Variants in WWOX observed in about 807,000 individuals in gnomAD.
WWOX encodes the protein WW domain containing oxidoreductase, also known as WW domain-containing oxidoreductase.
Under a neutral mutation model 46.2 loss-of-function variants are expected in WWOX, and 69 were observed. That is an observed-to-expected ratio of 1.49 (90% CI 1.23 to 1.82). The LOEUF is 1.82. Ranked by LOEUF, WWOX falls within the 40% of genes most tolerant of loss-of-function variation. WWOX has a pLI of 0.00. For synonymous variants in WWOX, 359 were observed against 202.6 expected (o/e 1.77, Z -6.56); for missense variants, 919 against 542.6 (o/e 1.69, Z -6.89).
intron 4 of WWOX, among the ~76,000 whole-genome samples, chr16:78,157,564 G>T (rs978167703): frequency 5.9e-5 from 9 of 152,336 alleles, no homozygotes; most frequent in African/African-American, 2.2e-4. Context: ...GAAATCCTTT[G>T]TGCATTATTT....
intron 8 of WWOX, among the ~76,000 whole-genome samples, chr16:79,062,174 G>T (rs1248322192): frequency 6.6e-6 from 1 of 152,192 alleles, no homozygotes; most frequent in South Asian, 2.1e-4. Context: ...CAGACTCAAG[G>T]TTGGGGAGAC....
At chr16:78,854,108 A>G (rs889572431) in intron 8 of WWOX, among the ~76,000 whole-genome samples, 2 of 152,200 alleles carry the variant, frequency 1.3e-5, no homozygotes, top group African/African-American at 2.4e-5. Flanking sequence ...TTGTTTTTAC[A>G]TAGTAGTGAC....
intron 8 of WWOX, among the ~76,000 whole-genome samples, chr16:79,152,914 C>T (rs959973043): frequency 5.9e-5 from 9 of 152,078 alleles, no homozygotes; most frequent in African/African-American, 2.2e-4. Flanking sequence ...TAGAAGTGGG[C>T]TCCGGGTCTA....
chr16:79,126,442 G>T (rs2049756823), intron 8 of WWOX, among the ~76,000 whole-genome samples: 1 of 152,154 alleles, frequency 6.6e-6, no homozygotes, highest in Non-Finnish European at 1.5e-5. Flanking sequence ...TCATGCTAGT[G>T]AGTGAGTTGT....
At chr16:78,793,316 C>G (rs117052407) in intron 8 of WWOX, among the ~76,000 whole-genome samples, 5,264 of 152,292 alleles carry the variant, frequency 0.035, 118 homozygotes, top group Non-Finnish European at 0.05. Flanking sequence ...CTGCCTCAGC[C>G]TCCCAGAGTG....
chr16:79,036,732 G>A (rs1454035974), intron 8 of WWOX, among the ~76,000 whole-genome samples: 1 of 152,210 alleles, frequency 6.6e-6, no homozygotes, highest in Non-Finnish European at 1.5e-5. Context: ...TCTGCAGTGA[G>A]CGAAGGATTG....
chr16:78,986,685 G>A (rs2046790795), intron 8 of WWOX, among the ~76,000 whole-genome samples: 1 of 152,154 alleles, frequency 6.6e-6, no homozygotes, highest in African/African-American at 2.4e-5. Context: ...CTTTAATAGA[G>A]TGTTCTGGGA....
At chr16:78,964,794 C>A (rs919399209) in intron 8 of WWOX, among the ~76,000 whole-genome samples, 22 of 152,180 alleles carry the variant, frequency 1.4e-4, no homozygotes, top group African/African-American at 5.3e-4. Flanking sequence ...TTCATGGGCC[C>A]AGCCCTGGGT....
chr16:78,740,969 C>G (rs540821694), intron 8 of WWOX, among the ~76,000 whole-genome samples: 16 of 152,188 alleles, frequency 1.1e-4, no homozygotes, highest in Non-Finnish European at 1.8e-4. Flanking sequence ...TGTGCAAATA[C>G]AAGCCCTTCT....
chr16:78,355,781 T>C (rs2081273099), intron 5 of WWOX: 2 of 713,788 alleles, frequency 2.8e-6, no homozygotes, highest in Non-Finnish European at 4.9e-6. Context: ...TCCAGTGTTC[T>C]TTCTCCGGGG....
chr16:78,879,735 G>A (rs6564616), intron 8 of WWOX, among the ~76,000 whole-genome samples: 56,408 of 151,936 alleles, frequency 0.37, 11,574 homozygotes, highest in Non-Finnish European at 0.46. Flanking sequence ...AAATTAGCCA[G>A]GCATGGTGGC....
chr16:78,457,281 T>C (rs1360535929), intron 8 of WWOX, among the ~76,000 whole-genome samples: 1 of 152,226 alleles, frequency 6.6e-6, no homozygotes, highest in African/African-American at 2.4e-5. Flanking sequence ...AAATATTCCA[T>C]TGCACGACTT....
intron 8 of WWOX, among the ~76,000 whole-genome samples, chr16:78,909,612 T>C (rs1007958891): frequency 6.6e-6 from 1 of 152,216 alleles, no homozygotes; most frequent in African/African-American, 2.4e-5. Context: ...GAAATGATGC[T>C]CCTCTTAGAT....
chr16:78,525,257 C>T (rs1397210447), intron 8 of WWOX: 1 of 148,718 alleles, frequency 6.7e-6, no homozygotes, highest in Non-Finnish European at 1.5e-5. Context: ...ATGATCTCGG[C>T]TCACTGCAAG....
chr16:79,176,579 C>T (rs2050804785), intron 8 of WWOX, among the ~76,000 whole-genome samples: 1 of 152,166 alleles, frequency 6.6e-6, no homozygotes, highest in Non-Finnish European at 1.5e-5. Flanking sequence ...GATAAATATA[C>T]ATAGAATGTA....
intron 8 of WWOX, among the ~76,000 whole-genome samples, chr16:79,064,972 C>T (rs1322373158): frequency 6.6e-6 from 1 of 152,068 alleles, no homozygotes; most frequent in East Asian, 1.9e-4. Context: ...CATGGATGCC[C>T]CTGAGCACCT....
At chr16:78,588,734 A>G (rs183688117) in intron 8 of WWOX, among the ~76,000 whole-genome samples, 1 of 152,302 alleles carries the variant, frequency 6.6e-6, no homozygotes, top group Admixed American at 6.5e-5. Context: ...TTATTGACGT[A>G]GCATCACTTT....
At chr16:79,092,312 T>C (rs2048978227) in intron 8 of WWOX, among the ~76,000 whole-genome samples, 1 of 152,148 alleles carries the variant, frequency 6.6e-6, no homozygotes, top group Non-Finnish European at 1.5e-5. Flanking sequence ...CTTTGGGAGC[T>C]AGGAATCAAT....
At chr16:79,208,647 G>C (rs1467306931) in intron 8 of WWOX, among the ~76,000 whole-genome samples, 1 of 144,908 alleles carries the variant, frequency 6.9e-6, no homozygotes, top group Non-Finnish European at 1.5e-5. Flanking sequence ...TTTTTAATCA[G>C]TTTAAGAATG....
Sources: allele counts gnomAD v4.1 joint callset (sites outside exome capture counted in the v4.1 genomes callset), GRCh38; gene constraint gnomAD v4.1.1; transcripts MANE v1.5; gene names NCBI Gene and HGNC (gene_info 2026-07-23, HGNC 2026-07-21).